RTTN: variants seen among roughly 807,000 people sequenced by gnomAD.
RTTN encodes rotatin.
RTTN carries 182 observed loss-of-function variants against 269.2 expected under a neutral mutation model. That is an observed-to-expected ratio of 0.68 (90% confidence interval 0.60 to 0.76). The LOEUF is 0.76. Ranked by LOEUF, RTTN falls within the 30% of genes least tolerant of loss-of-function variation. RTTN has a pLI of 0.00. For synonymous variants in RTTN, 1,006 were observed against 963.5 expected, an observed-to-expected ratio of 1.04 and a Z score of -0.82; for missense variants, 2,545 against 2,608.6, an observed-to-expected ratio of 0.98 and a Z score of 0.53.
In RTTN at chr18:70,059,881, G is replaced by A. The variant is rs765906120; in HGVS notation, c.4909C>T (p.Arg1637Ter). The A allele has an allele frequency of 4.3e-6, 7 of 1,610,230 alleles. No individual in the cohort carries two copies. The highest frequency in any genetic ancestry group is 1.7e-5 in the Admixed American group (1 of 59,604). The change falls in exon 36 of 49, where the codon CGA (arginine) becomes TGA (stop). Residue 1637 changes from arginine to a stop codon, truncating the protein, a stop_gained. Transcript: ENST00000640769. LOFTEE classifies it high-confidence loss of function. Reference protein sequence around the residue: ...IAPRDTAKAFRQAHLIELLCS... With the variant: ...IAPRDTAKAF ...AGAAGTTCTATGAGATGAGCTTGTC[G>A]AAAAGCCTTTGCAGTGTCTCTGGGA...
At chr18:70,100,786 AG>A (rs758450921) in intron 28 of RTTN, among the ~76,000 whole-genome samples, 11 of 152,334 alleles carry the variant, frequency 7.2e-5, no homozygotes, top group Non-Finnish European at 1.3e-4. Flanking sequence ...TTTAGCATGA[AG>A]GGCTGTTGAA....
At chr18:70,140,038 A>G (rs564554563) in intron 20 of RTTN, 62 bp downstream of exon 20, 1 of 1,114,350 alleles carries the variant, frequency 9.0e-7, no homozygotes, top group East Asian at 2.4e-5. Flanking sequence ...GCTCAGTTCA[A>G]TTTCAGATCT....
chr18:70,030,140 G>T, intron 41 of RTTN, 31 bp from the exon 42 acceptor site: 1 of 1,441,036 alleles, frequency 6.9e-7, no homozygotes, highest in Non-Finnish European at 9.7e-7. Flanking sequence ...TAGTCAAAAG[G>T]ATATTCTATT....
chr18:70,089,224 A>G (rs1343748252), intron 30 of RTTN, among the ~76,000 whole-genome samples: 1 of 152,202 alleles, frequency 6.6e-6, no homozygotes, highest in Non-Finnish European at 1.5e-5. Context: ...AGGTGATTAC[A>G]GTTAAATGAG....
chr18:70,198,840 G>T (rs2061878791), intron 5 of RTTN, among the ~76,000 whole-genome samples: 1 of 152,006 alleles, frequency 6.6e-6, no homozygotes, highest in Admixed American at 6.5e-5. Flanking sequence ...AAGAGAATCT[G>T]GCCAATAAGA....
At chr18:70,023,249 G>A (rs373624962) in intron 44 of RTTN, among the ~76,000 whole-genome samples, 2 of 152,088 alleles carry the variant, frequency 1.3e-5, no homozygotes, top group Admixed American at 6.6e-5. Flanking sequence ...GATTAGCCAC[G>A]CCCAGATTCC....
intron 14 of RTTN, among the ~76,000 whole-genome samples, chr18:70,164,755 A>C (rs897246135): frequency 5.9e-5 from 9 of 152,216 alleles, no homozygotes; most frequent in African/African-American, 1.9e-4. Context: ...GAAAAGCAAT[A>C]TTCAAAATAA....
chr18:70,142,410 AACC>A, intron 18 of RTTN, 23 bp from the exon 19 acceptor site: 1 of 1,222,154 alleles, frequency 8.2e-7, no homozygotes, highest in Non-Finnish European at 1.2e-6. Flanking sequence ...AAAAAAAAAA[AACC>A]AAAATTACAT....
intron 28 of RTTN, among the ~76,000 whole-genome samples, chr18:70,107,571 C>G (rs1356212601): frequency 6.6e-6 from 1 of 152,070 alleles, no homozygotes; most frequent in South Asian, 2.1e-4. Flanking sequence ...AGGATTAGAG[C>G]TAAAAACACA....
chr18:70,109,036 A>G (rs2059393951), intron 28 of RTTN, among the ~76,000 whole-genome samples: 1 of 152,254 alleles, frequency 6.6e-6, no homozygotes, highest in East Asian at 1.9e-4. Flanking sequence ...TCACCAAAAG[A>G]TAAGAATGTT....
At chr18:70,005,102 C>A in intron 48 of RTTN, 96 bp downstream of exon 48, 1 of 715,714 alleles carries the variant, frequency 1.4e-6, no homozygotes, top group South Asian at 2.4e-5. Flanking sequence ...TTTTACAATG[C>A]CATTTTGCTG....
chr18:70,059,922 T>A lies in RTTN; in HGVS notation c.4868A>T (p.Asn1623Ile), dbSNP rs1325356669. 2.5e-6 allele frequency: 4 copies of A among 1,613,578 alleles called. No individual in the cohort carries two copies. The highest frequency in any genetic ancestry group is 2.5e-6 in the Non-Finnish European group (3 of 1,179,748). The change falls in exon 36 of 49, where the codon AAC (asparagine) becomes ATC (isoleucine). Residue 1623 changes from asparagine to isoleucine, a missense_variant. Asn to Ile is a moderately radical substitution (Grantham distance 149). Coordinates refer to ENST00000640769, the MANE Select transcript of RTTN (RefSeq NM_173630.4). ...LLSAMCSLLDNLLTIAPRDTA... is the reference protein window; with the variant it reads ...LLSAMCSLLDILLTIAPRDTA... ...GTCTCTGGGAGCAATCGTCAAGAGG[T>A]TGTCCAAGAGGCTGCACATTGCTGA...
At chr18:70,004,473 C>T (rs1170291605) in intron 48 of RTTN, among the ~76,000 whole-genome samples, 2 of 152,000 alleles carry the variant, frequency 1.3e-5, no homozygotes, top group Non-Finnish European at 2.9e-5. Context: ...AAAGTACCCC[C>T]CATAATGGAT....
intron 10 of RTTN, among the ~76,000 whole-genome samples, chr18:70,177,649 T>C (rs891592048): frequency 2.0e-5 from 3 of 152,082 alleles, no homozygotes; most frequent in Non-Finnish European, 4.4e-5. Flanking sequence ...ACTTTCAATT[T>C]TCCATTGAAA....
chr18:70,140,828 G>A (rs12604939), intron 19 of RTTN, among the ~76,000 whole-genome samples: 126,358 of 152,068 alleles, frequency 0.83, 55,597 homozygotes, highest in East Asian at 1. Context: ...AAATGTTACC[G>A]GAACCCAAAA....
At chr18:70,155,776 T>C (rs1321465538) in intron 14 of RTTN, among the ~76,000 whole-genome samples, 2 of 152,242 alleles carry the variant, frequency 1.3e-5, no homozygotes, top group African/African-American at 4.8e-5. Context: ...GAGAAGAATG[T>C]GGATTGTGAA....
At chr18:70,031,862 C>T (rs547355411) in intron 40 of RTTN, among the ~76,000 whole-genome samples, 9 of 151,992 alleles carry the variant, frequency 5.9e-5, no homozygotes, top group African/African-American at 1.9e-4. Flanking sequence ...GGACCCTGCT[C>T]GGGGCTACCA....
chr18:70,122,663 T>C (rs778896460), intron 25 of RTTN, among the ~76,000 whole-genome samples: 3 of 152,152 alleles, frequency 2.0e-5, no homozygotes, highest in Non-Finnish European at 4.4e-5. Flanking sequence ...AACTAAGCAG[T>C]CCAACACCAG....
Position 70,089,802 on chromosome 18 carries a change from C to T in RTTN, c.4144-1655G>A, listed in dbSNP as rs555236963. On this transcript the variant is annotated intron_variant, in intron 30 of 48. Transcript: ENST00000640769. ...GTGAGCAATGAAATTGGATATTTAG[C>T]TGAGAAGATTTCTAAGCAAAGTGTT... Among the ~76,000 whole-genome samples, 10 of 152,262 alleles carry T rather than the reference C, an allele frequency of 6.6e-5. No homozygotes were observed. The East Asian group carries it at 1.9e-3, about 29-fold the overall frequency.
Sources: allele counts gnomAD v4.1 joint callset (sites outside exome capture counted in the v4.1 genomes callset), GRCh38; gene constraint gnomAD v4.1.1; transcripts MANE v1.5; gene names NCBI Gene and HGNC (gene_info 2026-07-23, HGNC 2026-07-21).